Variants in CCDC169 observed in about 807,000 individuals in gnomAD.
CCDC169 encodes the protein coiled-coil domain containing 169, also known as coiled-coil domain-containing protein 169.
In CCDC169, 30 loss-of-function variants were observed where a neutral mutation model predicts 36.0. That is an observed-to-expected ratio of 0.83 (90% CI 0.62 to 1.13). The LOEUF (loss-of-function observed/expected upper bound fraction) is 1.13. Ranked by LOEUF, CCDC169 falls within the 50% of genes most tolerant of loss-of-function variation. CCDC169 has a pLI of 0.00. For missense variants in CCDC169, 245 were observed against 245.9 expected (o/e 1.00, Z 0.03); for synonymous variants, 85 against 81.5 (o/e 1.04, Z -0.23).
chr13:36,265,447 G>A (rs1337325709), intron 4 of CCDC169, among the ~76,000 whole-genome samples: 3 of 152,216 alleles, frequency 2.0e-5, no homozygotes, highest in Non-Finnish European at 4.4e-5. Context: ...TACTCTGGCA[G>A]TGATATCACA....
intron 4 of CCDC169, 54 bp downstream of exon 4, chr13:36,283,415 A>C: frequency 6.8e-7 from 1 of 1,478,872 alleles, no homozygotes; most frequent in Non-Finnish European, 9.1e-7. Flanking sequence ...GTCTGGAAAA[A>C]ATAGACATAA....
chr13:36,248,800 A>C, intron 6 of CCDC169, 118 bp from the exon 7 acceptor site: 1 of 833,190 alleles, frequency 1.2e-6, no homozygotes. Flanking sequence ...AGCATGTGTA[A>C]GAGAAGCTGA....
intron 4 of CCDC169, among the ~76,000 whole-genome samples, chr13:36,263,895 CA>C (rs1052773458): frequency 5.3e-5 from 8 of 152,116 alleles, no homozygotes; most frequent in African/African-American, 1.9e-4. Flanking sequence ...AAGGGATAAT[CA>C]GGGGGTGAGG....
At chr13:36,235,002 G>C (rs944216613) in intron 7 of CCDC169, among the ~76,000 whole-genome samples, 1 of 151,928 alleles carries the variant, frequency 6.6e-6, no homozygotes, top group Non-Finnish European at 1.5e-5. Flanking sequence ...AACTGCATGA[G>C]CAATAATTGT....
chr13:36,267,891 C>A (rs1284036109), intron 4 of CCDC169, among the ~76,000 whole-genome samples: 1 of 151,714 alleles, frequency 6.6e-6, no homozygotes, highest in Non-Finnish European at 1.5e-5. Context: ...AGGATCAATT[C>A]AACAAGAAGA....
chr13:36,288,319 A>G (rs1878492957), intron 2 of CCDC169, among the ~76,000 whole-genome samples: 1 of 152,188 alleles, frequency 6.6e-6, no homozygotes, highest in South Asian at 2.1e-4. Flanking sequence ...CGACCCGGAA[A>G]TAACTTTAAA....
chr13:36,270,867 G>T (rs1390138077), intron 4 of CCDC169, among the ~76,000 whole-genome samples: 1 of 152,146 alleles, frequency 6.6e-6, no homozygotes, highest in Non-Finnish European at 1.5e-5. Context: ...CCTAGGCAAA[G>T]AATTCATGAC....
rs1046051613 is a variant in CCDC169 at position 36,295,477 on chromosome 13, G to C, written c.163+301C>G. 9.9e-5 allele frequency among the ~76,000 whole-genome samples: 15 copies of C among 152,128 alleles called. 1 individual carries two copies. The highest frequency in any genetic ancestry group is 3.6e-4 in the African/African-American group (15 of 41,428). Reference sequence around the variant, plus strand: ...TAAAGAGTGTAACTTGAGGTGAATAGAAAACTGGTGATATTTATTTAATAA... The same window carrying C: ...TAAAGAGTGTAACTTGAGGTGAATACAAAACTGGTGATATTTATTTAATAA... On this transcript the variant is annotated intron_variant, in intron 2 of 7. Coordinates refer to ENST00000239859, the MANE Select transcript of CCDC169 (RefSeq NM_001144981.3).
At chr13:36,293,682 A>G (rs9547127) in intron 2 of CCDC169, among the ~76,000 whole-genome samples, 37,552 of 151,988 alleles carry the variant, frequency 0.25, 4,989 homozygotes, top group East Asian at 0.48. Context: ...AGGCAGCCCT[A>G]GCTGAGCTTC....
intron 4 of CCDC169, 64 bp from the exon 5 acceptor site, chr13:36,254,207 T>A (rs1873535253): frequency 1.8e-6 from 2 of 1,126,830 alleles, no homozygotes; most frequent in Non-Finnish European, 2.4e-6. Context: ...GAAATGACCA[T>A]CAATTTCTTC....
chr13:36,237,759 G>A (rs1158827308), intron 7 of CCDC169, among the ~76,000 whole-genome samples: 1 of 152,132 alleles, frequency 6.6e-6, no homozygotes, highest in Non-Finnish European at 1.5e-5. Context: ...GCAATGGACT[G>A]CATATATGAC....
intron 4 of CCDC169, among the ~76,000 whole-genome samples, chr13:36,270,651 T>C (rs983115591): frequency 2.0e-5 from 3 of 152,022 alleles, no homozygotes; most frequent in African/African-American, 4.8e-5. Flanking sequence ...CGACAAAGCA[T>C]ACAAAAACAT....
In CCDC169 at chr13:36,291,455, C is replaced by T. The variant is rs77557749; in HGVS notation, c.163+4323G>A. The stretch of plus-strand genomic sequence containing the variant: ...AATATTGTCAGATCTTTTATGGTTT[C>T]GGTTGGAATTGTGGGTGGGATCATT... On this transcript the variant is annotated intron_variant, in intron 2 of 7. Transcript: ENST00000239859. 2.5e-4 allele frequency among the ~76,000 whole-genome samples: 38 copies of T among 152,136 alleles called. 1 individual carries two copies. The East Asian group carries it at 6.4e-3, about 26-fold the overall frequency.
downstream of CCDC169, chr13:36,225,194 G>GA (rs57288160): frequency 1 from 151,986 of 152,040 alleles, 75,966 homozygotes; most frequent in Non-Finnish European, 1. Flanking sequence ...AATCCTAGAA[G>GA]AAACCTAGGA....
intron 6 of CCDC169, among the ~76,000 whole-genome samples, chr13:36,253,076 G>C (rs570868770): frequency 6.6e-6 from 1 of 152,132 alleles, no homozygotes; most frequent in Admixed American, 6.5e-5. Flanking sequence ...TGGATAGCTT[G>C]AAAATAGATG....
At chr13:36,256,637 T>A (rs562662942) in intron 4 of CCDC169, among the ~76,000 whole-genome samples, 17 of 152,140 alleles carry the variant, frequency 1.1e-4, no homozygotes, top group Non-Finnish European at 2.4e-4. Flanking sequence ...CCTACTCATT[T>A]CATTTAGAAC....
chr13:36,291,124 C>A (rs1388702645), intron 2 of CCDC169, among the ~76,000 whole-genome samples: 1 of 152,120 alleles, frequency 6.6e-6, no homozygotes, highest in Non-Finnish European at 1.5e-5. Context: ...CTATACCTTC[C>A]CCCAATTTGG....
intron 4 of CCDC169, among the ~76,000 whole-genome samples, chr13:36,279,183 T>A (rs898518792): frequency 2.6e-5 from 4 of 151,942 alleles, no homozygotes; most frequent in African/African-American, 9.7e-5. Flanking sequence ...TAACCCACCC[T>A]GAGGAATCCT....
At chr13:36,254,395 G>A (rs756180636) in intron 4 of CCDC169, among the ~76,000 whole-genome samples, 5 of 151,098 alleles carry the variant, frequency 3.3e-5, no homozygotes, top group Non-Finnish European at 5.9e-5. Flanking sequence ...CCTGCCTCAG[G>A]CTCCCAAGTA....
Sources: gnomAD v4.1 joint callset for allele counts (sites outside exome capture counted in the v4.1 genomes callset) on GRCh38, gnomAD v4.1.1 for gene constraint, MANE v1.5 for transcripts, NCBI Gene and HGNC (gene_info 2026-07-23, HGNC 2026-07-21) for gene names.